Variants in CNTNAP2 observed in about 807,000 individuals in gnomAD.
CNTNAP2 encodes contactin associated protein 2, also known as contactin-associated protein-like 2.
In CNTNAP2, 98 loss-of-function variants were observed where a neutral mutation model predicts 155.2. The observed-to-expected ratio is 0.63, with a 90% confidence interval of 0.54 to 0.75. The LOEUF is 0.75. Among genes scored for constraint, CNTNAP2 ranks in the 30% least tolerant of loss-of-function variants. The probability of loss-of-function intolerance (pLI) is 0.00; values close to 1 mark genes in which losing one functional copy is unlikely to be tolerated. For missense variants in CNTNAP2, 1,727 were observed against 1,688.1 expected, an observed-to-expected ratio of 1.02 and a Z score of -0.40; for synonymous variants, 651 against 631.2, an observed-to-expected ratio of 1.03 and a Z score of -0.47.
chr7:146,753,747 C>T (rs1359221827), intron 1 of CNTNAP2, among the ~76,000 whole-genome samples: 3 of 151,952 alleles, frequency 2.0e-5, no homozygotes, highest in Admixed American at 6.6e-5. Flanking sequence ...TCTTTTAGAA[C>T]ATTTATTTAC....
intron 3 of CNTNAP2, among the ~76,000 whole-genome samples, chr7:146,924,624 T>TA (rs1236101125): frequency 6.6e-6 from 1 of 152,044 alleles, no homozygotes; most frequent in African/African-American, 2.4e-5. Flanking sequence ...AGGTGATAAA[T>TA]AGAGTAATAG....
chr7:147,329,222 T>A (rs1171506819), intron 9 of CNTNAP2, among the ~76,000 whole-genome samples: 1 of 151,698 alleles, frequency 6.6e-6, no homozygotes, highest in East Asian at 1.9e-4. Flanking sequence ...GATAATAGAG[T>A]GAATCTGAGT....
At chr7:148,380,500 A>G (rs1002107882) in intron 21 of CNTNAP2, among the ~76,000 whole-genome samples, 2 of 152,258 alleles carry the variant, frequency 1.3e-5, no homozygotes, top group Non-Finnish European at 2.9e-5. Context: ...ACAACCATTT[A>G]CATTTTTTCT....
At chr7:147,485,792 T>A in intron 10 of CNTNAP2, 143 bp from the exon 11 acceptor site, 3 of 780,766 alleles carry the variant, frequency 3.8e-6, no homozygotes, top group South Asian at 1.4e-5. Context: ...ATCATATTAA[T>A]CTGCTTAAAC....
chr7:147,530,207 A>G (rs1259921257), intron 11 of CNTNAP2, among the ~76,000 whole-genome samples: 1 of 117,044 alleles, frequency 8.5e-6, no homozygotes, highest in Non-Finnish European at 1.8e-5. Context: ...TTTTTTTGAG[A>G]CAGAGTCTTG....
At chr7:146,122,797 A>G (rs551535530) in intron 1 of CNTNAP2, among the ~76,000 whole-genome samples, 29 of 152,352 alleles carry the variant, frequency 1.9e-4, no homozygotes, top group African/African-American at 6.5e-4. Flanking sequence ...TAGCCAGTAC[A>G]CATCCAATTT....
At chr7:147,634,367 T>G (rs967575541) in intron 12 of CNTNAP2, among the ~76,000 whole-genome samples, 1 of 152,156 alleles carries the variant, frequency 6.6e-6, no homozygotes, top group Non-Finnish European at 1.5e-5. Flanking sequence ...AAACCAAATA[T>G]TGTATGTTCT....
At chr7:146,805,917 T>C (rs930372916) in intron 2 of CNTNAP2, among the ~76,000 whole-genome samples, 2 of 152,164 alleles carry the variant, frequency 1.3e-5, no homozygotes, top group Non-Finnish European at 2.9e-5. Context: ...AAACCATAGC[T>C]GGCCAGAATA....
intron 16 of CNTNAP2, among the ~76,000 whole-genome samples, chr7:148,125,278 G>T (rs1306864886): frequency 6.6e-6 from 1 of 151,634 alleles, no homozygotes; most frequent in Admixed American, 6.6e-5. Flanking sequence ...CTCTCTTTTA[G>T]GTTCAGGGGT....
intron 10 of CNTNAP2, among the ~76,000 whole-genome samples, chr7:147,410,150 C>T (rs183723128): frequency 6.6e-6 from 1 of 152,130 alleles, no homozygotes; most frequent in Admixed American, 6.5e-5. Context: ...TGGAATCAAC[C>T]TAAATGCCCA....
intron 5 of CNTNAP2, among the ~76,000 whole-genome samples, chr7:147,118,442 T>G (rs557300753): frequency 1.3e-5 from 2 of 152,190 alleles, no homozygotes; most frequent in Admixed American, 6.5e-5. Flanking sequence ...CTTTTAATTG[T>G]ATGGGGAAAT....
chr7:146,313,141 C>T (rs1800853869), intron 1 of CNTNAP2, among the ~76,000 whole-genome samples: 1 of 152,110 alleles, frequency 6.6e-6, no homozygotes, highest in African/African-American at 2.4e-5. Flanking sequence ...ATGCTATTTT[C>T]CAAAATAGGT....
intron 21 of CNTNAP2, among the ~76,000 whole-genome samples, chr7:148,351,869 G>T (rs1395927656): frequency 6.6e-6 from 1 of 151,936 alleles, no homozygotes; most frequent in Non-Finnish European, 1.5e-5. Context: ...GCAATATTTT[G>T]GGACCCAGAC....
chr7:147,835,715 G>C (rs920873062), intron 13 of CNTNAP2, among the ~76,000 whole-genome samples: 2 of 152,204 alleles, frequency 1.3e-5, no homozygotes, highest in Non-Finnish European at 2.9e-5. Context: ...ATGTAATGCA[G>C]TTAAGGATCT....
At chr7:146,704,811 A>C (rs913352538) in intron 1 of CNTNAP2, among the ~76,000 whole-genome samples, 1 of 152,170 alleles carries the variant, frequency 6.6e-6, no homozygotes, top group Non-Finnish European at 1.5e-5. Context: ...CTCAAACCTC[A>C]TCTAGTCATC....
chr7:148,364,728 A>T (rs1442024577), intron 21 of CNTNAP2, among the ~76,000 whole-genome samples: 5 of 152,292 alleles, frequency 3.3e-5, no homozygotes, highest in East Asian at 3.9e-4. Flanking sequence ...AACAGGCCAC[A>T]GGGCTCTACC....
chr7:147,534,037 C>CAA (rs1799493341), intron 11 of CNTNAP2, among the ~76,000 whole-genome samples: 1 of 152,144 alleles, frequency 6.6e-6, no homozygotes, highest in African/African-American at 2.4e-5. Context: ...AACTTTCTGG[C>CAA]TTTTAGAATT....
intron 13 of CNTNAP2, among the ~76,000 whole-genome samples, chr7:147,690,992 A>G (rs1401494302): frequency 6.6e-6 from 1 of 152,118 alleles, no homozygotes; most frequent in Non-Finnish European, 1.5e-5. Context: ...CTGGCTTTTA[A>G]GTCCAAATCC....
At chr7:147,246,821 C>T (rs1471697175) in intron 8 of CNTNAP2, among the ~76,000 whole-genome samples, 1 of 152,146 alleles carries the variant, frequency 6.6e-6, no homozygotes, top group African/African-American at 2.4e-5. Context: ...AAGATAAAAT[C>T]AAACATCATG....
Sources: allele counts gnomAD v4.1 joint callset (sites outside exome capture counted in the v4.1 genomes callset), GRCh38; gene constraint gnomAD v4.1.1; transcripts MANE v1.5; gene names NCBI Gene and HGNC (gene_info 2026-07-23, HGNC 2026-07-21).